PDE4D: variants seen among roughly 807,000 people sequenced by gnomAD.
PDE4D encodes the protein phosphodiesterase 4D.
A neutral mutation model predicts 87.4 loss-of-function variants in PDE4D; 24 were observed. That is an observed-to-expected ratio of 0.27 (90% confidence interval 0.20 to 0.39). The LOEUF (loss-of-function observed/expected upper bound fraction) is 0.39. Among genes scored for constraint, PDE4D ranks in the 10% least tolerant of loss-of-function variants. The pLI is 1.00. For synonymous variants in PDE4D, 384 were observed against 383.2 expected (o/e 1.00, Z -0.02); for missense variants, 714 against 1,041.0 (o/e 0.69, Z 4.32).
intron 1 of PDE4D, among the ~76,000 whole-genome samples, chr5:60,465,318 T>C (rs1366781848): frequency 2.0e-5 from 3 of 152,124 alleles, no homozygotes; most frequent in African/African-American, 4.8e-5. Context: ...TTTCCTAAGT[T>C]AGTTTAAAAG....
chr5:59,702,861 C>A (rs573305956), intron 1 of PDE4D, among the ~76,000 whole-genome samples: 5 of 100,690 alleles, frequency 5.0e-5, no homozygotes, highest in African/African-American at 1.9e-4. Flanking sequence ...CAGAGTGAGA[C>A]CCTGTCTCAA....
At chr5:60,075,001 A>C (rs1327761275) in intron 2 of PDE4D, among the ~76,000 whole-genome samples, 1 of 152,126 alleles carries the variant, frequency 6.6e-6, no homozygotes, top group African/African-American at 2.4e-5. Context: ...TAGGACATTT[A>C]CCTTGAAGGT....
chr5:59,311,076 A>G (rs997194305), intron 1 of PDE4D, among the ~76,000 whole-genome samples: 1 of 152,166 alleles, frequency 6.6e-6, no homozygotes, highest in African/African-American at 2.4e-5. Context: ...CAGGTGCAGG[A>G]CAGATTACCA....
At chr5:59,054,424 T>TA (rs896075128) in intron 5 of PDE4D, among the ~76,000 whole-genome samples, 5 of 151,964 alleles carry the variant, frequency 3.3e-5, no homozygotes, top group East Asian at 1.9e-4. Flanking sequence ...TTCAGTAATA[T>TA]AAAAAAAATG....
intron 2 of PDE4D, among the ~76,000 whole-genome samples, chr5:60,089,631 G>T (rs1198335102): frequency 2.0e-5 from 3 of 151,176 alleles, no homozygotes; most frequent in Admixed American, 2.0e-4. Flanking sequence ...GTACTTCAAG[G>T]AACTAAAAAA....
chr5:60,275,363 A>C (rs1751257769), intron 1 of PDE4D, among the ~76,000 whole-genome samples: 3 of 152,110 alleles, frequency 2.0e-5, no homozygotes, highest in African/African-American at 7.2e-5. Context: ...TATAAGATAA[A>C]ATATATTTAA....
At chr5:59,769,628 A>G (rs1337467216) in intron 1 of PDE4D, among the ~76,000 whole-genome samples, 6 of 152,244 alleles carry the variant, frequency 3.9e-5, no homozygotes, top group Non-Finnish European at 1.5e-5. Flanking sequence ...AGTATGAAGT[A>G]AAGCCTGTTA....
At chr5:60,301,057 A>C (rs59664310) in intron 1 of PDE4D, among the ~76,000 whole-genome samples, 13,352 of 152,120 alleles carry the variant, frequency 0.088, 1,924 homozygotes, top group African/African-American at 0.31. Flanking sequence ...GCGTGAGCCA[A>C]TGCGCCCAGC....
At chr5:60,050,206 C>T (rs902348167) in intron 2 of PDE4D, among the ~76,000 whole-genome samples, 8 of 152,164 alleles carry the variant, frequency 5.3e-5, no homozygotes, top group Non-Finnish European at 1.0e-4. Context: ...TGAGGCAATG[C>T]CTCACCCTGC....
chr5:59,099,549 G>A (rs1770370217), intron 5 of PDE4D, among the ~76,000 whole-genome samples: 2 of 152,124 alleles, frequency 1.3e-5, no homozygotes, highest in South Asian at 4.1e-4. Context: ...AATGAGAGAT[G>A]CGCCGCAAAA....
At chr5:59,848,127 T>A (rs1191069514) in intron 1 of PDE4D, among the ~76,000 whole-genome samples, 1 of 152,068 alleles carries the variant, frequency 6.6e-6, no homozygotes, top group African/African-American at 2.4e-5. Flanking sequence ...TCCCTAAAGC[T>A]ATTTTTTTAT....
chr5:59,701,004 G>A lies in PDE4D; in HGVS notation c.455+192164C>T, dbSNP rs1752475025. Among the ~76,000 whole-genome samples, 3 of 152,236 alleles carry A rather than the reference G, an allele frequency of 2.0e-5. No homozygotes were observed. In the South Asian group the frequency reaches 6.2e-4, roughly 32 times the overall value. ...TTGCTTGGAATGCTTCATGGTTTGA[G>A]GATGAACCCAAAGTCCTTAACCTGG... On this transcript the variant is annotated intron_variant, in intron 1 of 14. Coordinates refer to ENST00000340635, the MANE Select transcript of PDE4D (RefSeq NM_001104631.2).
At chr5:60,499,070 T>G (rs1049170218) in intron 1 of PDE4D, among the ~76,000 whole-genome samples, 2 of 152,228 alleles carry the variant, frequency 1.3e-5, no homozygotes, top group African/African-American at 2.4e-5. Flanking sequence ...TGATGAAGAC[T>G]AGAAAAGCGG....
intron 1 of PDE4D, among the ~76,000 whole-genome samples, chr5:60,260,768 C>T (rs1435368010): frequency 6.6e-6 from 1 of 152,082 alleles, no homozygotes; most frequent in Non-Finnish European, 1.5e-5. Context: ...TCTGAAAACC[C>T]TCTAATTTCA....
chr5:59,152,941 T>C (rs1468336669), intron 5 of PDE4D, among the ~76,000 whole-genome samples: 1 of 151,858 alleles, frequency 6.6e-6, no homozygotes, highest in East Asian at 1.9e-4. Context: ...TCTTCTCCTC[T>C]CAAGAAAAGG....
chr5:59,962,643 G>C (rs1305806096), intron 3 of PDE4D, among the ~76,000 whole-genome samples: 1 of 152,066 alleles, frequency 6.6e-6, no homozygotes, highest in Non-Finnish European at 1.5e-5. Context: ...AAAGTTTAAA[G>C]TATCTTCCCA....
chr5:58,984,042 C>G (rs1745848752), intron 11 of PDE4D, among the ~76,000 whole-genome samples: 1 of 149,944 alleles, frequency 6.7e-6, no homozygotes, highest in Non-Finnish European at 1.5e-5. Flanking sequence ...AAGACTTACA[C>G]TCACTGTTCT....
chr5:59,029,290 G>A (rs549708378), intron 6 of PDE4D, among the ~76,000 whole-genome samples: 49 of 150,720 alleles, frequency 3.3e-4, no homozygotes, highest in African/African-American at 1.1e-3. Context: ...GGTGGCAGGC[G>A]CCTGTAGTCC....
chr5:59,512,892 T>A (rs1203921156), intron 1 of PDE4D, among the ~76,000 whole-genome samples: 1 of 152,134 alleles, frequency 6.6e-6, no homozygotes, highest in African/African-American at 2.4e-5. Context: ...TGAAAAGAAA[T>A]TAGATGATGT....
Sources: gnomAD v4.1 joint callset for allele counts (sites outside exome capture counted in the v4.1 genomes callset) on GRCh38, gnomAD v4.1.1 for gene constraint, MANE v1.5 for transcripts, NCBI Gene and HGNC (gene_info 2026-07-23, HGNC 2026-07-21) for gene names.